WAS: variants seen among roughly 807,000 people sequenced by gnomAD.
WAS encodes the protein WASP actin nucleation promoting factor.
WAS carries 1 observed loss-of-function variant against 38.9 expected under a neutral mutation model. The observed-to-expected ratio is 0.03, with a 90% CI of 0.01 to 0.12. The LOEUF is 0.12. Among genes scored for constraint, WAS ranks in the 10% least tolerant of loss-of-function variants. WAS has a pLI of 1.00. For missense variants in WAS, 311 were observed against 431.2 expected (o/e 0.72, Z 2.47); for synonymous variants, 182 against 173.6 (o/e 1.05, Z -0.38).
intron 1 of WAS, among the ~76,000 whole-genome samples, chrX:48,677,323 A>AG (rs1404255424): frequency 2.7e-5 from 3 of 110,642 alleles, no homozygotes; most frequent in Non-Finnish European, 5.7e-5. Context: ...AGCCTGAGGG[A>AG]GGAAGGTGAG....
intron 1 of WAS, among the ~76,000 whole-genome samples, chrX:48,676,942 G>A (rs1295717999): frequency 8.9e-6 from 1 of 112,723 alleles, no homozygotes; most frequent in Non-Finnish European, 1.9e-5. Flanking sequence ...ACACCCACAG[G>A]GGCACACACA....
chrX:48,686,984 G>T, intron 7 of WAS, 29 bp downstream of exon 7: 1 of 1,185,862 alleles, frequency 8.4e-7, no homozygotes, highest in Admixed American at 2.4e-5. Context: ...TGGACCCACA[G>T]ATTCCTGGGG....
chrX:48,687,038 G>A, intron 7 of WAS, 83 bp downstream of exon 7: 6 of 1,049,322 alleles, frequency 5.7e-6, no homozygotes, highest in Non-Finnish European at 7.8e-6. Context: ...TGAATGGAAG[G>A]ATGGGCAGAT....
intron 9 of WAS, 84 bp from the exon 10 acceptor site, chrX:48,688,576 G>A: frequency 8.4e-7 from 1 of 1,194,316 alleles, no homozygotes; most frequent in South Asian, 1.8e-5. Flanking sequence ...TGGTCAGTGG[G>A]GGTACCCATT....
chrX:48,690,901 C>T (rs1172717558), intron 11 of WAS, among the ~76,000 whole-genome samples: 1 of 111,314 alleles, frequency 9.0e-6, no homozygotes, highest in African/African-American at 3.3e-5. Context: ...AATATCTCGA[C>T]TAACCACATT....
intron 2 of WAS, among the ~76,000 whole-genome samples, chrX:48,685,108 CACTT>C (rs1433268019): frequency 9.0e-6 from 1 of 110,853 alleles, no homozygotes; most frequent in Admixed American, 9.7e-5. Flanking sequence ...CCCCAAATTG[CACTT>C]ACTTTAGCTG....
At chrX:48,680,401 C>T (rs1261400414), upstream of WAS, among the ~76,000 whole-genome samples, 2 of 110,576 alleles carry the variant, frequency 1.8e-5, no homozygotes, top group Non-Finnish European at 3.8e-5. Context: ...CTGGGCTGCT[C>T]CTGGGCTACT....
upstream of WAS, among the ~76,000 whole-genome samples, chrX:48,682,580 T>C (rs1333531462): frequency 1.8e-5 from 2 of 112,205 alleles, no homozygotes; most frequent in Non-Finnish European, 3.8e-5. Context: ...CATTCATATA[T>C]GATATAAAGT....
chrX:48,688,582 C>A, intron 9 of WAS, 78 bp from the exon 10 acceptor site: 3 of 1,194,122 alleles, frequency 2.5e-6, no homozygotes, highest in Non-Finnish European at 3.4e-6. Flanking sequence ...GTGGGGGTAC[C>A]CATTTTACAA....
At chrX:48,685,241 T>C (rs1021784718) in intron 2 of WAS, among the ~76,000 whole-genome samples, 6 of 111,079 alleles carry the variant, frequency 5.4e-5, no homozygotes, top group Admixed American at 9.6e-5. Flanking sequence ...AGGGCATGGA[T>C]TGAATCTGTG....
At chrX:48,689,996 CA>C (rs1425722474) in intron 11 of WAS, among the ~76,000 whole-genome samples, 169 of 81,757 alleles carry the variant, frequency 2.1e-3, no homozygotes, top group Admixed American at 1.8e-3. Context: ...GATCCTATCT[CA>C]AAAAAAAAAA....
intron 6 of WAS, among the ~76,000 whole-genome samples, chrX:48,686,578 A>G (rs1363827210): frequency 4.4e-5 from 5 of 112,619 alleles, no homozygotes; most frequent in African/African-American, 1.6e-4. Context: ...TGAGGGAATG[A>G]AAACATGAAT....
At position 48,688,084 on chromosome X, in the gene WAS, G is replaced by C. The variant is rs782631956; in HGVS notation, c.765G>C (p.Gln255His). Residue 255 changes from glutamine to histidine, a missense_variant, in exon 8 of 12, where the codon CAG (glutamine) becomes CAC (histidine). Physicochemically the swap from Gln to His is conservative, Grantham distance 24. Coordinates refer to ENST00000376701, the MANE Select transcript of WAS (RefSeq NM_000377.3). ...TCAGCCACGTGGGGTGGGACCCCCAGAATGGATTTGACGTGAGTAACTTCA... is the reference window on the plus strand; with the variant it reads ...TCAGCCACGTGGGGTGGGACCCCCACAATGGATTTGACGTGAGTAACTTCA... ...KHVSHVGWDP[Q>H]NGFDVNNLDP... 32 of 1,204,667 alleles carry C rather than the reference G, an allele frequency of 2.7e-5. No homozygotes were observed. In the South Asian group the frequency reaches 5.4e-4, roughly 20 times the overall value.
At position 48,691,310 on chromosome X, in the gene WAS, C is replaced by T; in HGVS notation, c.*148C>T. 3.8e-6 allele frequency: 2 copies of T among 532,200 alleles called. No individual in the cohort carries two copies. Among genetic ancestry groups the T allele is most frequent in the Non-Finnish European group, 6.5e-6 (2 of 306,656 alleles). The allele number at this position is 532,200 out of a possible 1,213,427, so 43.9% of individuals were successfully genotyped here. A position where few individuals can be genotyped will look rare whatever the true frequency, so the allele number is the denominator to read the frequency against. ...ACCCCTCCAATGCTGTTATCCCTGC[C>T]TGGTCCTCACACTCACCCAACAATC... On this transcript the variant is annotated 3_prime_UTR_variant, in exon 12 of 12. Coordinates refer to ENST00000376701, the MANE Select transcript of WAS (RefSeq NM_000377.3).
chrX:48,688,878 C>G lies in WAS; in HGVS notation c.1150C>G (p.Pro384Ala). 8.6e-7 allele frequency: 1 copy of G among 1,165,208 alleles called. No homozygotes were observed. Among genetic ancestry groups the G allele is most frequent in the Non-Finnish European group, 1.1e-6 (1 of 871,881 alleles). ...TGGACGTTCTGGACCACTGCCCCCT[C>G]CACCCCCTGGAGCTGGTGGGCCACC... ...ATGRSGPLPP[P>A]PPGAGGPPMP... The change falls in exon 10 of 12, where the codon CCA (proline) becomes GCA (alanine). Residue 384 changes from proline to alanine, a missense_variant. Around this residue, in one of 4 missense-constraint regions of WAS, gnomAD observed 142 missense variants for 157.6 expected, o/e 0.90. Transcript: ENST00000376701.
upstream of WAS, among the ~76,000 whole-genome samples, chrX:48,683,525 G>C (rs1394984143): frequency 2.0e-4 from 22 of 111,870 alleles, 1 homozygote; most frequent in Non-Finnish European, 1.1e-4. Flanking sequence ...ACACAGATGT[G>C]CTAAGCTCTC....
chrX:48,682,800 C>T (rs2062405161), upstream of WAS, among the ~76,000 whole-genome samples: 1 of 107,894 alleles, frequency 9.3e-6, no homozygotes, highest in Non-Finnish European at 1.9e-5. Context: ...GAGGCTGAGG[C>T]AGGAGAGTCA....
upstream of WAS, among the ~76,000 whole-genome samples, chrX:48,682,134 G>C (rs1261197072): frequency 8.9e-6 from 1 of 112,065 alleles, no homozygotes; most frequent in Non-Finnish European, 1.9e-5. Context: ...TCAGATTCCC[G>C]TCTGAGAGTC....
At position 48,689,060 on chromosome X, in the gene WAS, G is replaced by C; in HGVS notation, c.1332G>C (p.Leu444=). The change falls in exon 10 of 12, where the codon CTG becomes CTC. Residue 444 remains leucine, a synonymous_variant. Transcript: ENST00000376701. The part of the protein sequence containing the change: ...LLDQIRQGIQ[L]NKTPGAPESS... ...ATCAAATCCGGCAGGGAATTCAGCT[G>C]AACAAGGTGAGGACAGGCAGGATGG... is the stretch of plus-strand genomic sequence containing the variant. 8.3e-7 allele frequency: 1 copy of C among 1,201,936 alleles called. No individual in the cohort carries two copies. The highest frequency in any genetic ancestry group is 1.1e-6 in the Non-Finnish European group (1 of 893,895).
Sources: allele counts gnomAD v4.1 joint callset (sites outside exome capture counted in the v4.1 genomes callset), GRCh38; gene constraint gnomAD v4.1.1; regional missense constraint gnomAD v4.1.1; transcripts MANE v1.5; gene names NCBI Gene and HGNC (gene_info 2026-07-23, HGNC 2026-07-21).